MTCL1: variants seen among roughly 807,000 people sequenced by gnomAD.
The protein encoded by MTCL1 is microtubule cross-linking factor 1.
A neutral mutation model predicts 141.4 loss-of-function variants in MTCL1; 79 were observed. The observed-to-expected ratio is 0.56, with a 90% CI of 0.47 to 0.67. MTCL1 has a LOEUF of 0.67. Among genes scored for constraint, MTCL1 ranks in the 30% least tolerant of loss-of-function variants. The pLI is 0.00. For synonymous variants in MTCL1, 914 were observed against 875.8 expected (o/e 1.04, Z -0.77); for missense variants, 2,177 against 2,113.9 (o/e 1.03, Z -0.59).
At chr18:8,737,046 C>T (rs1028512132) in intron 4 of MTCL1, among the ~76,000 whole-genome samples, 1 of 152,146 alleles carries the variant, frequency 6.6e-6, no homozygotes, top group African/African-American at 2.4e-5. Context: ...CTATTTGCTG[C>T]TATGTCTGAC....
chr18:8,830,508 C>T lies in MTCL1; in HGVS notation c.*19-1099C>T, dbSNP rs2077163434. On this transcript the variant is annotated intron_variant, in intron 16 of 16. Transcript: ENST00000359865. The surrounding 1 kb of genome is among the most constrained non-coding windows in gnomAD (Gnocchi z 6.4). Reference sequence around the variant, plus strand: ...CCCGAGTGACACTGCCCATTCCGTGCAGCCGTCTGTCCTTCCCCCGCTGCT... The same window carrying T: ...CCCGAGTGACACTGCCCATTCCGTGTAGCCGTCTGTCCTTCCCCCGCTGCT... The T allele has an allele frequency of 2.0e-6, 2 of 986,092 alleles. No individual in the cohort carries two copies. Among genetic ancestry groups the T allele is most frequent in the Non-Finnish European group, 2.4e-6 (2 of 830,428 alleles). 61.1% of individuals were successfully genotyped at this position (986,092 alleles called of 1,614,324 possible).
At chr18:8,826,174 C>T (rs755751816) in exon 15 of MTCL1, 12 of 1,611,676 alleles carry the variant, frequency 7.4e-6, no homozygotes, top group African/African-American at 2.7e-5. Flanking sequence ...CACGGGCCCC[C>T]GGGTCTCCAC....
chr18:8,730,561 G>A (rs774594340), intron 4 of MTCL1, among the ~76,000 whole-genome samples: 33 of 152,144 alleles, frequency 2.2e-4, no homozygotes, highest in African/African-American at 7.5e-4. Flanking sequence ...AGTGATAAGC[G>A]AAGCCGCTTC....
rs540017493 is a variant in MTCL1, at chr18:8,731,090, A to G, written c.357+10594A>G. 5.9e-5 allele frequency among the ~76,000 whole-genome samples: 9 copies of G among 152,012 alleles called. No individual in the cohort carries two copies. The East Asian group carries it at 1.6e-3, about 26-fold the overall frequency. On this transcript the variant is annotated intron_variant, in intron 4 of 16. Transcript: ENST00000359865. ...GAAACCCCATCTCTACTAAAAATAC[A>G]AAAAATTAGCCGGCCGTGGTGGCGG... is the stretch of plus-strand genomic sequence containing the variant.
intron 4 of MTCL1, among the ~76,000 whole-genome samples, chr18:8,742,605 A>C (rs1416069474): frequency 6.6e-6 from 1 of 152,136 alleles, no homozygotes; most frequent in African/African-American, 2.4e-5. Flanking sequence ...TGTTACTTCC[A>C]TCTGGTCCCA....
At chr18:8,819,215 C>G (rs937694251) in exon 13 of MTCL1, 1 of 1,614,216 alleles carries the variant, frequency 6.2e-7, no homozygotes, top group South Asian at 1.1e-5. Context: ...AGAAGAGCCA[C>G]CAGCCCACAG....
rs747807625 is a variant in MTCL1, at chr18:8,786,110, T to TCC, written c.1887+29_1887+30dup. 2.7e-3 allele frequency: 3,475 copies of TCC among 1,311,250 alleles called. 11 individuals carry two copies. Among genetic ancestry groups the TCC allele is most frequent in the South Asian group, 4.0e-3 (312 of 77,246 alleles). The allele number at this position is 1,311,250 out of a possible 1,614,324, so 81.2% of individuals were successfully genotyped here. ...CCTGGAGGTCAGCGTGGGCAAGCAA[T>TCC]CCCCCCCCCCCGCCCTCCCCCTCCT... On this transcript the variant is annotated intron_variant, in intron 7 of 16. Transcript: ENST00000359865.
chr18:8,746,798 T>A (rs1393921137), intron 4 of MTCL1, among the ~76,000 whole-genome samples: 1 of 152,118 alleles, frequency 6.6e-6, no homozygotes, highest in Non-Finnish European at 1.5e-5. Flanking sequence ...ATTAAACAGA[T>A]AATTATCTCA....
intron 4 of MTCL1, among the ~76,000 whole-genome samples, chr18:8,736,403 G>A (rs12457290): frequency 0.26 from 38,956 of 151,958 alleles, 6,185 homozygotes; most frequent in Admixed American, 0.41. Flanking sequence ...GCTCAGCCTC[G>A]CCTGCCTTAA....
At chr18:8,786,131 C>G (rs750294008) in intron 7 of MTCL1, 40 bp downstream of exon 6, 2 of 1,520,142 alleles carry the variant, frequency 1.3e-6, no homozygotes, top group Admixed American at 2.0e-5. Context: ...CGCCCTCCCC[C>G]TCCTTTTTCT....
exon 15 of MTCL1, chr18:8,825,094 G>T: frequency 6.2e-7 from 1 of 1,607,382 alleles, no homozygotes; most frequent in South Asian, 1.1e-5. Flanking sequence ...GTGTTACACA[G>T]CCCGCCTGCC....
At chr18:8,721,227 A>G (rs1012623947) in intron 4 of MTCL1, among the ~76,000 whole-genome samples, 7 of 152,360 alleles carry the variant, frequency 4.6e-5, no homozygotes, top group Middle Eastern at 6.8e-3. Flanking sequence ...TTAAGCTCAC[A>G]GTGAATTCTG....
intron 5 of MTCL1, among the ~76,000 whole-genome samples, chr18:8,783,168 G>T (rs1478962118): frequency 6.6e-6 from 1 of 152,234 alleles, no homozygotes; most frequent in African/African-American, 2.4e-5. Context: ...GATCCAGAGA[G>T]CAAGGAGGGG....
upstream of MTCL1, among the ~76,000 whole-genome samples, chr18:8,716,962 G>C (rs964615733): frequency 2.0e-5 from 3 of 152,160 alleles, no homozygotes; most frequent in African/African-American, 7.2e-5. Context: ...TACATCTGTG[G>C]GTTTGGGAAG....
At chr18:8,794,535 T>C (rs988836396) in intron 8 of MTCL1, among the ~76,000 whole-genome samples, 3 of 152,190 alleles carry the variant, frequency 2.0e-5, no homozygotes, top group Non-Finnish European at 2.9e-5. Flanking sequence ...TCCGGGTGTC[T>C]CAGCGCCTCT....
intron 4 of MTCL1, among the ~76,000 whole-genome samples, chr18:8,744,403 C>G (rs765365796): frequency 1.3e-5 from 2 of 152,194 alleles, no homozygotes; most frequent in Non-Finnish European, 2.9e-5. Flanking sequence ...TAGCTTCTGA[C>G]TTCCTTCTTT....
chr18:8,784,795 G>A (rs1176962822), exon 6 of MTCL1: 1 of 1,611,026 alleles, frequency 6.2e-7, no homozygotes, highest in East Asian at 2.2e-5. Context: ...CCGTGTCCCG[G>A]GACTCCCCCA....
chr18:8,831,057 AGTTT>A (rs2077177407), intron 16 of MTCL1: 2 of 985,626 alleles, frequency 2.0e-6, no homozygotes, highest in Non-Finnish European at 1.2e-6. Context: ...ATGTTGTGGG[AGTTT>A]GTTTAAGCTA....
At chr18:8,824,889 G>T (rs1423654576) in exon 15 of MTCL1, 16 of 1,613,778 alleles carry the variant, frequency 9.9e-6, no homozygotes, top group South Asian at 1.1e-5. Flanking sequence ...CCACAATGGT[G>T]GGGGGCCGGA....
Sources: allele counts gnomAD v4.1 joint callset (sites outside exome capture counted in the v4.1 genomes callset), GRCh38; gene constraint gnomAD v4.1.1; non-coding constraint Gnocchi (gnomAD v3.1); transcripts MANE v1.5; gene names NCBI Gene and HGNC (gene_info 2026-07-23, HGNC 2026-07-21).